Variants in SIPA1L3 observed in about 807,000 individuals in gnomAD.
SIPA1L3 encodes signal induced proliferation associated 1 like 3.
SIPA1L3 carries 59 observed loss-of-function variants against 150.1 expected under a neutral mutation model. The ratio of observed to expected loss-of-function variants is 0.39; its 90% CI spans 0.32 to 0.49. SIPA1L3 has a LOEUF of 0.49. SIPA1L3 is among the 20% of genes least tolerant of loss of function. The probability of loss-of-function intolerance (pLI) is 0.86; values close to 1 mark genes in which losing one functional copy is unlikely to be tolerated. For synonymous variants in SIPA1L3, 1,070 were observed against 1,077.6 expected (o/e 0.99, Z 0.14); for missense variants, 2,211 against 2,489.5 (o/e 0.89, Z 2.38).
At position 38,106,559 on chromosome 19, in the gene SIPA1L3, C is replaced by G. The variant is rs1247949480; in HGVS notation, c.2052C>G (p.Ser684=). ...DVKTDSTGTH[S]LYTMYQDYEI... is the part of the protein sequence containing the mutation. The stretch of plus-strand genomic sequence containing the variant: ...CAGCCGACTCCACGGGAACCCACTC[C>G]CTCTACACGATGTACCAGGACTACG... Residue 684 remains serine, a synonymous_variant, in exon 7 of 22, where the codon TCC becomes TCG. Transcript: ENST00000222345. 6.2e-7 allele frequency: 1 copy of G among 1,612,822 alleles called. No homozygotes were observed. Among genetic ancestry groups the G allele is most frequent in the Non-Finnish European group, 8.5e-7 (1 of 1,179,380 alleles).
intron 1 of SIPA1L3, among the ~76,000 whole-genome samples, chr19:37,974,141 G>A (rs1259141093): frequency 1.3e-5 from 2 of 152,148 alleles, no homozygotes; most frequent in African/African-American, 2.4e-5. Context: ...GGCAGTATTT[G>A]TTTTCATCAA....
chr19:38,056,821 T>G (rs992096557), intron 2 of SIPA1L3, among the ~76,000 whole-genome samples: 1 of 152,102 alleles, frequency 6.6e-6, no homozygotes, highest in Admixed American at 6.5e-5. Context: ...TCCAACACTT[T>G]GGGAGGCGGG....
chr19:38,166,587 A>C (rs1972217158), intron 15 of SIPA1L3, among the ~76,000 whole-genome samples: 1 of 152,210 alleles, frequency 6.6e-6, no homozygotes, highest in South Asian at 2.1e-4. Flanking sequence ...AGATGGAAAG[A>C]GTATTCTACA....
At chr19:37,917,845 A>C (rs1016290699) in intron 1 of SIPA1L3, among the ~76,000 whole-genome samples, 1 of 152,064 alleles carries the variant, frequency 6.6e-6, no homozygotes, top group African/African-American at 2.4e-5. Context: ...CCTCTACAAA[A>C]ATTTAAAAAA....
chr19:38,093,384 G>A (rs1048129838), intron 4 of SIPA1L3, among the ~76,000 whole-genome samples: 7 of 152,122 alleles, frequency 4.6e-5, no homozygotes, highest in African/African-American at 1.4e-4. Flanking sequence ...AGAACCTTGG[G>A]CACATGGCTC....
intron 1 of SIPA1L3, among the ~76,000 whole-genome samples, chr19:37,914,196 T>C (rs930013345): frequency 3.3e-5 from 5 of 152,054 alleles, no homozygotes; most frequent in Admixed American, 2.0e-4. Context: ...TGAGGAGTCA[T>C]GTGAACTGAT....
chr19:38,206,184 A>G lies in SIPA1L3; in HGVS notation c.5290A>G (p.Ser1764Gly). Residue 1764 changes from serine to glycine, a missense_variant, in exon 22 of 22, where the codon AGC (serine) becomes GGC (glycine). Ser to Gly is a moderately conservative substitution (Grantham distance 56). Around this residue, in one of 5 missense-constraint regions of SIPA1L3, gnomAD observed 63 missense variants for 106.1 expected, o/e 0.59. Coordinates refer to ENST00000222345, the MANE Select transcript of SIPA1L3 (RefSeq NM_015073.3). ...QRLQEESQAA[S>G]EQLRKFAEIF... ...GCTGCAGGAGGAGTCGCAGGCCGCC[A>G]GCGAGCAGCTGCGCAAGTTTGCGGA... 1 of 1,556,694 alleles carries G rather than the reference A, an allele frequency of 6.4e-7. No homozygotes were observed.
chr19:37,958,536 T>A (rs2046830280), intron 1 of SIPA1L3, among the ~76,000 whole-genome samples: 1 of 152,196 alleles, frequency 6.6e-6, no homozygotes, highest in Non-Finnish European at 1.5e-5. Context: ...TAGACCTAAA[T>A]GTAAGAGTTA....
intron 2 of SIPA1L3, among the ~76,000 whole-genome samples, chr19:38,073,556 G>C (rs1385083348): frequency 6.6e-6 from 1 of 152,142 alleles, no homozygotes; most frequent in Non-Finnish European, 1.5e-5. Context: ...CCTTCACACA[G>C]CACCGTGTGT....
intron 2 of SIPA1L3, among the ~76,000 whole-genome samples, chr19:38,064,158 C>T (rs1969516002): frequency 6.6e-6 from 1 of 152,260 alleles, no homozygotes; most frequent in East Asian, 1.9e-4. Context: ...GTGCCCAGAA[C>T]TGGAACAAGC....
intron 9 of SIPA1L3, among the ~76,000 whole-genome samples, chr19:38,129,564 G>T (rs1232056815): frequency 6.6e-6 from 1 of 150,644 alleles, no homozygotes; most frequent in Non-Finnish European, 1.5e-5. Context: ...GGCGGAGGTT[G>T]CAGTGAGCCG....
chr19:38,171,539 C>T (rs1215538100), intron 15 of SIPA1L3, among the ~76,000 whole-genome samples: 5 of 151,736 alleles, frequency 3.3e-5, no homozygotes, highest in Non-Finnish European at 7.4e-5. Context: ...ATTACAGGCA[C>T]CTGCCACCAC....
chr19:37,949,800 C>T (rs1310325733), intron 1 of SIPA1L3, among the ~76,000 whole-genome samples: 3 of 152,116 alleles, frequency 2.0e-5, no homozygotes, highest in African/African-American at 4.8e-5. Context: ...CCACATTGGC[C>T]GGGTGCAGTG....
At chr19:38,137,277 T>G (rs1971457385) in intron 10 of SIPA1L3, among the ~76,000 whole-genome samples, 2 of 151,980 alleles carry the variant, frequency 1.3e-5, no homozygotes, top group South Asian at 4.2e-4. Flanking sequence ...CAACCTCCGC[T>G]TCCCAGGTTC....
intron 1 of SIPA1L3, among the ~76,000 whole-genome samples, chr19:37,939,435 C>A (rs374294403): frequency 6.6e-6 from 1 of 151,518 alleles, no homozygotes; most frequent in African/African-American, 2.4e-5. Context: ...TAGTTTCAAC[C>A]GCATATAATT....
intron 15 of SIPA1L3, among the ~76,000 whole-genome samples, chr19:38,178,857 C>T (rs977995592): frequency 6.6e-6 from 1 of 152,126 alleles, no homozygotes; most frequent in Admixed American, 6.5e-5. Flanking sequence ...CATTCCTGAC[C>T]ATTCTTGGTG....
intron 1 of SIPA1L3, among the ~76,000 whole-genome samples, chr19:37,913,889 C>CAGTAA (rs1420307350): frequency 6.6e-5 from 10 of 151,596 alleles, no homozygotes; most frequent in Non-Finnish European, 1.3e-4. Context: ...GTGACAGGCG[C>CAGTAA]CTGTAGTCCC....
intron 2 of SIPA1L3, among the ~76,000 whole-genome samples, chr19:38,076,016 G>A (rs1363729275): frequency 1.3e-5 from 2 of 151,308 alleles, no homozygotes; most frequent in Non-Finnish European, 2.9e-5. Context: ...TGGCGGGCGC[G>A]TGTAGTCTCA....
intron 1 of SIPA1L3, among the ~76,000 whole-genome samples, chr19:37,979,733 C>CT (rs1967156169): frequency 6.6e-6 from 1 of 152,192 alleles, no homozygotes; most frequent in Admixed American, 6.5e-5. Context: ...CTCTTTGGCC[C>CT]TTTACAGAAG....
Sources: allele counts gnomAD v4.1 joint callset (sites outside exome capture counted in the v4.1 genomes callset), GRCh38; gene constraint gnomAD v4.1.1; regional missense constraint gnomAD v4.1.1; transcripts MANE v1.5; gene names NCBI Gene and HGNC (gene_info 2026-07-23, HGNC 2026-07-21).